The following CHRM2 variants were observed in gnomAD, a reference collection of about 807,000 sequenced individuals.
The protein encoded by CHRM2 is muscarinic acetylcholine receptor M2.
A neutral mutation model predicts 25.0 loss-of-function variants in CHRM2; 8 were observed. The ratio of observed to expected loss-of-function variants is 0.32; its 90% confidence interval spans 0.19 to 0.58. CHRM2 has a LOEUF of 0.58. Among genes scored for constraint, CHRM2 ranks in the 20% least tolerant of loss-of-function variants. The pLI, the probability that CHRM2 is intolerant of heterozygous loss-of-function variation, is 0.88. For synonymous variants in CHRM2, 202 were observed against 205.7 expected, an observed-to-expected ratio of 0.98 and a Z score of 0.15; for missense variants, 440 against 567.1, an observed-to-expected ratio of 0.78 and a Z score of 2.28.
intron 2 of CHRM2, among the ~76,000 whole-genome samples, chr7:136,921,517 A>G (rs1285351169): frequency 6.6e-6 from 1 of 151,958 alleles, no homozygotes; most frequent in African/African-American, 2.4e-5. Flanking sequence ...GTGCATGAGG[A>G]CTTTCAGCAT....
chr7:136,882,925 A>G (rs1238911810), intron 2 of CHRM2, among the ~76,000 whole-genome samples: 2 of 152,134 alleles, frequency 1.3e-5, no homozygotes, highest in Non-Finnish European at 1.5e-5. Context: ...CATATTAGGG[A>G]TGGATTTAGT....
At chr7:136,930,954 A>C (rs1799066483) in intron 2 of CHRM2, among the ~76,000 whole-genome samples, 1 of 147,978 alleles carries the variant, frequency 6.8e-6, no homozygotes, top group Non-Finnish European at 1.5e-5. Context: ...ACCACATATT[A>C]CCTCTTTGCT....
intron 2 of CHRM2, among the ~76,000 whole-genome samples, chr7:136,915,515 A>G (rs1257945749): frequency 6.6e-6 from 1 of 151,902 alleles, no homozygotes; most frequent in Non-Finnish European, 1.5e-5. Context: ...TATATTATTA[A>G]GAAATCAAGA....
intron 2 of CHRM2, among the ~76,000 whole-genome samples, chr7:136,910,990 T>G (rs1215747199): frequency 6.6e-6 from 1 of 151,878 alleles, no homozygotes; most frequent in Non-Finnish European, 1.5e-5. Context: ...CATTTCATGT[T>G]TTTTGTCACT....
chr7:136,895,831 T>G (rs1334877155), intron 2 of CHRM2, among the ~76,000 whole-genome samples: 1 of 152,168 alleles, frequency 6.6e-6, no homozygotes, highest in Non-Finnish European at 1.5e-5. Context: ...TATGTAAAAT[T>G]TGATGCTTCA....
intron 2 of CHRM2, among the ~76,000 whole-genome samples, chr7:136,882,953 C>T (rs1796322524): frequency 1.3e-5 from 2 of 152,038 alleles, no homozygotes; most frequent in Non-Finnish European, 1.5e-5. Flanking sequence ...CCTCTTTTTA[C>T]TTGACCCAAT....
chr7:137,003,492 A>T (rs1328193790), intron 3 of CHRM2, among the ~76,000 whole-genome samples: 711 of 20,226 alleles, frequency 0.035, 12 homozygotes, highest in African/African-American at 0.13. Flanking sequence ...ACACACACAC[A>T]CACACACACA....
At chr7:136,904,715 T>C (rs1797438680) in intron 2 of CHRM2, among the ~76,000 whole-genome samples, 1 of 151,974 alleles carries the variant, frequency 6.6e-6, no homozygotes, top group Non-Finnish European at 1.5e-5. Context: ...TTTATAGCTA[T>C]GAATTTGTTT....
intron 2 of CHRM2, among the ~76,000 whole-genome samples, chr7:136,962,895 C>T (rs1043194853): frequency 2.0e-5 from 3 of 152,200 alleles, no homozygotes; most frequent in African/African-American, 7.2e-5. Context: ...ATATGTTCTA[C>T]ACTGTAGTAG....
At chr7:136,932,035 C>A (rs896290034) in intron 2 of CHRM2, among the ~76,000 whole-genome samples, 1 of 151,996 alleles carries the variant, frequency 6.6e-6, no homozygotes, top group Admixed American at 6.6e-5. Flanking sequence ...TCTCTCTGTA[C>A]CTATTTTATT....
chr7:136,871,605 C>T (rs1238507444), intron 2 of CHRM2: 1 of 151,538 alleles, frequency 6.6e-6, no homozygotes, highest in Non-Finnish European at 1.5e-5. Flanking sequence ...GAAATATATG[C>T]ATTTTCATTG....
chr7:136,958,031 T>A (rs1426779576), intron 2 of CHRM2, among the ~76,000 whole-genome samples: 1 of 152,236 alleles, frequency 6.6e-6, no homozygotes, highest in African/African-American at 2.4e-5. Flanking sequence ...TTATGTAATC[T>A]ATTCCATTTG....
At chr7:136,977,781 T>C (rs1461262912) in intron 2 of CHRM2, among the ~76,000 whole-genome samples, 1 of 152,204 alleles carries the variant, frequency 6.6e-6, no homozygotes, top group Admixed American at 6.5e-5. Flanking sequence ...TTGCAATTGC[T>C]TTTGGGGACC....
intron 2 of CHRM2, among the ~76,000 whole-genome samples, chr7:136,988,887 T>C (rs1301447369): frequency 6.6e-6 from 1 of 152,082 alleles, no homozygotes; most frequent in East Asian, 1.9e-4. Context: ...ATATATTTTA[T>C]ATATTTATAC....
intron 2 of CHRM2, among the ~76,000 whole-genome samples, chr7:136,959,153 TC>T (rs1800909211): frequency 6.6e-6 from 1 of 152,332 alleles, no homozygotes; most frequent in Admixed American, 6.5e-5. Flanking sequence ...TTAGCTTCTA[TC>T]CTCTAATAGT....
At chr7:137,014,362 C>T (rs1001778650) in intron 3 of CHRM2, among the ~76,000 whole-genome samples, 16 of 151,966 alleles carry the variant, frequency 1.1e-4, no homozygotes, top group African/African-American at 3.9e-4. Context: ...CTATAAAAGT[C>T]ACACATTCAA....
chr7:136,907,678 T>A (rs1300620917), intron 2 of CHRM2, among the ~76,000 whole-genome samples: 2 of 151,912 alleles, frequency 1.3e-5, no homozygotes, highest in Non-Finnish European at 2.9e-5. Context: ...CAAACATACT[T>A]ACAAAATAGG....
chr7:137,013,027 T>C (rs563887236), intron 3 of CHRM2, among the ~76,000 whole-genome samples: 1 of 152,130 alleles, frequency 6.6e-6, no homozygotes, highest in African/African-American at 2.4e-5. Flanking sequence ...AAGTCATTAA[T>C]GTCTAATTTT....
chr7:136,963,288 C>T (rs1218145925), intron 2 of CHRM2, among the ~76,000 whole-genome samples: 2 of 152,106 alleles, frequency 1.3e-5, no homozygotes, highest in Non-Finnish European at 2.9e-5. Context: ...TTAATTAATA[C>T]ATTTGTTTTA....
Sources: gnomAD v4.1 joint callset for allele counts (sites outside exome capture counted in the v4.1 genomes callset) on GRCh38, gnomAD v4.1.1 for gene constraint, MANE v1.5 for transcripts, NCBI Gene and HGNC (gene_info 2026-07-23, HGNC 2026-07-21) for gene names.